BACH2: variants seen among roughly 807,000 people sequenced by gnomAD.
BACH2 encodes the protein transcription regulator protein BACH2.
In BACH2, 5 loss-of-function variants were observed where a neutral mutation model predicts 61.8. That is an observed-to-expected ratio of 0.08 (90% CI 0.04 to 0.17). The LOEUF (loss-of-function observed/expected upper bound fraction) is 0.17. Ranked by LOEUF, BACH2 falls within the 10% of genes least tolerant of loss-of-function variation. The probability of loss-of-function intolerance (pLI) is 1.00; values close to 1 mark genes in which losing one functional copy is unlikely to be tolerated. For synonymous variants in BACH2, 446 were observed against 440.1 expected (o/e 1.01, Z -0.17); for missense variants, 824 against 1,091.1 (o/e 0.76, Z 3.45).
At chr6:89,957,790 T>C (rs972875027) in intron 6 of BACH2, among the ~76,000 whole-genome samples, 6 of 152,234 alleles carry the variant, frequency 3.9e-5, no homozygotes, top group African/African-American at 1.4e-4. Context: ...TCCGTCTATT[T>C]TGACCTCCCA....
intron 1 of BACH2, among the ~76,000 whole-genome samples, chr6:90,288,048 G>A (rs925088010): frequency 1.3e-5 from 2 of 152,072 alleles, no homozygotes; most frequent in African/African-American, 4.8e-5. Flanking sequence ...ATCATCCCTG[G>A]CACTTATCTT....
At chr6:90,005,260 C>T (rs911761939) in intron 6 of BACH2, among the ~76,000 whole-genome samples, 1 of 152,130 alleles carries the variant, frequency 6.6e-6, no homozygotes, top group Non-Finnish European at 1.5e-5. Flanking sequence ...GAGGAACTCT[C>T]AGGCCTGGCT....
chr6:90,199,816 T>C (rs894459831), intron 4 of BACH2, among the ~76,000 whole-genome samples: 16 of 152,210 alleles, frequency 1.1e-4, no homozygotes, highest in African/African-American at 3.4e-4. Flanking sequence ...AAATTATTCC[T>C]TAAAAATGTA....
At chr6:89,953,434 A>G (rs1774244055) in intron 6 of BACH2, among the ~76,000 whole-genome samples, 1 of 152,138 alleles carries the variant, frequency 6.6e-6, no homozygotes, top group Non-Finnish European at 1.5e-5. Flanking sequence ...TCCACATTAA[A>G]TTTTTCTGTC....
At chr6:90,231,371 G>A (rs370430916) in intron 3 of BACH2, among the ~76,000 whole-genome samples, 9 of 151,904 alleles carry the variant, frequency 5.9e-5, no homozygotes, top group South Asian at 2.1e-4. Flanking sequence ...TAGGTTCTGC[G>A]GGAATTTAAA....
At chr6:90,111,780 T>A (rs1054925980) in intron 4 of BACH2, among the ~76,000 whole-genome samples, 4 of 152,358 alleles carry the variant, frequency 2.6e-5, no homozygotes, top group African/African-American at 9.6e-5. Context: ...GTTTGTTGTC[T>A]GTATTTCTAA....
chr6:90,043,851 A>G (rs763875632), intron 5 of BACH2, among the ~76,000 whole-genome samples: 1 of 152,204 alleles, frequency 6.6e-6, no homozygotes, highest in Non-Finnish European at 1.5e-5. Context: ...CCTCCCAGCC[A>G]TCTCAGTCTC....
At chr6:90,291,020 A>T (rs1255986680) in intron 1 of BACH2, among the ~76,000 whole-genome samples, 2 of 152,228 alleles carry the variant, frequency 1.3e-5, no homozygotes, top group African/African-American at 2.4e-5. Context: ...GCCGGCTCTC[A>T]TCACATCAGC....
chr6:90,007,141 C>G (rs985487523), intron 6 of BACH2, among the ~76,000 whole-genome samples: 6 of 152,062 alleles, frequency 3.9e-5, no homozygotes, highest in Admixed American at 1.3e-4. Flanking sequence ...ATGGCGTGAT[C>G]TCAGCTCACT....
At chr6:89,955,286 T>C (rs574286307) in intron 6 of BACH2, among the ~76,000 whole-genome samples, 2 of 152,210 alleles carry the variant, frequency 1.3e-5, no homozygotes, top group South Asian at 4.2e-4. Flanking sequence ...GCTCAAGAGA[T>C]CTAAGATTTA....
At chr6:90,091,632 G>A (rs183107786) in intron 4 of BACH2, among the ~76,000 whole-genome samples, 118 of 152,150 alleles carry the variant, frequency 7.8e-4, no homozygotes, top group Non-Finnish European at 1.4e-3. Context: ...CTGAAGTGAC[G>A]TTTGTTTGTT....
At chr6:90,094,370 C>T (rs12663310) in intron 4 of BACH2, among the ~76,000 whole-genome samples, 49,450 of 151,760 alleles carry the variant, frequency 0.33, 8,549 homozygotes, top group East Asian at 0.69. Flanking sequence ...CAGGAAACTA[C>T]AGGTGAAAAT....
At chr6:89,957,511 T>C (rs970031630) in intron 6 of BACH2, among the ~76,000 whole-genome samples, 1 of 152,106 alleles carries the variant, frequency 6.6e-6, no homozygotes, top group Non-Finnish European at 1.5e-5. Flanking sequence ...ATTACAGGTG[T>C]AAGCCACCAC....
Position 89,950,032 on chromosome 6 carries a change from CCTCTGCTTGT to C in BACH2, c.1836+228_1836+237del. The C allele has an allele frequency of 3.5e-6, 2 of 573,762 alleles. No individual in the cohort carries two copies. The highest frequency in any genetic ancestry group is 6.2e-6 in the Non-Finnish European group (2 of 320,134). 35.5% of individuals were successfully genotyped at this position (573,762 alleles called of 1,614,324 possible). A position where few individuals can be genotyped will look rare whatever the true frequency, so the allele number is the denominator to read the frequency against. ...CAGTATATTTTTACTCAGCAGCTTG[CCTCTGCTTGT>C]CGAGTATTGAGATCCAGATCAAATA... On this transcript the variant is annotated intron_variant, in intron 7 of 8. Transcript: ENST00000257749. This position sits in a 1 kb window ranked among gnomAD's most constrained non-coding sequence, Gnocchi z 5.3.
At chr6:90,088,434 A>G (rs6900503) in intron 5 of BACH2, among the ~76,000 whole-genome samples, 3,299 of 152,276 alleles carry the variant, frequency 0.022, 120 homozygotes, top group African/African-American at 0.074. Flanking sequence ...AATGGCATCA[A>G]CTGGGCTGGA....
At chr6:90,048,550 ACTT>A (rs932141376) in intron 5 of BACH2, among the ~76,000 whole-genome samples, 1 of 152,214 alleles carries the variant, frequency 6.6e-6, no homozygotes, top group African/African-American at 2.4e-5. Flanking sequence ...GATCCTAAGA[ACTT>A]CTGGGCAAAA....
chr6:90,093,044 T>C (rs1357965121), intron 4 of BACH2, among the ~76,000 whole-genome samples: 1 of 152,176 alleles, frequency 6.6e-6, no homozygotes, highest in Non-Finnish European at 1.5e-5. Flanking sequence ...CTCATTTTGC[T>C]GGACTGAGGG....
chr6:90,184,779 G>A (rs1302387626), intron 4 of BACH2, among the ~76,000 whole-genome samples: 2 of 152,190 alleles, frequency 1.3e-5, no homozygotes, highest in Non-Finnish European at 2.9e-5. Context: ...TCACCTTAAG[G>A]TTGAAGGAGG....
chr6:90,263,962 T>C (rs374599724), intron 2 of BACH2, among the ~76,000 whole-genome samples: 55 of 152,144 alleles, frequency 3.6e-4, no homozygotes, highest in Admixed American at 2.0e-4. Flanking sequence ...GCTGAAAAGC[T>C]TATAACCCTG....
Sources: allele counts gnomAD v4.1 joint callset (sites outside exome capture counted in the v4.1 genomes callset), GRCh38; gene constraint gnomAD v4.1.1; non-coding constraint Gnocchi (gnomAD v3.1); transcripts MANE v1.5; gene names NCBI Gene and HGNC (gene_info 2026-07-23, HGNC 2026-07-21).